Variants in C12orf54 observed in about 807,000 individuals in gnomAD.
C12orf54 encodes the protein uncharacterized protein C12orf54.
In C12orf54, 24 loss-of-function variants were observed where a neutral mutation model predicts 26.4. That is an observed-to-expected ratio of 0.91 (90% CI 0.66 to 1.28). The LOEUF is 1.28. Ranked by LOEUF, C12orf54 falls within the 50% of genes most tolerant of loss-of-function variation. The pLI is 0.00. For missense variants in C12orf54, 154 were observed against 150.9 expected (o/e 1.02, Z -0.11); for synonymous variants, 54 against 47.0 (o/e 1.15, Z -0.61).
the C12orf54 span, among the ~76,000 whole-genome samples, chr12:48,437,601 C>T: frequency 3.7e-4 from 56 of 152,058 alleles, no homozygotes; most frequent in Middle Eastern, 3.2e-3. Flanking sequence ...TTCAACATAA[C>T]GAAAATCAGT....
the C12orf54 span, among the ~76,000 whole-genome samples, chr12:48,437,967 C>T: frequency 6.6e-6 from 1 of 152,182 alleles, no homozygotes; most frequent in East Asian, 1.9e-4. Context: ...CAAATTGTCC[C>T]TGTTTGCAGA....
the C12orf54 span, among the ~76,000 whole-genome samples, chr12:48,460,658 T>C: frequency 6.6e-6 from 1 of 152,200 alleles, no homozygotes; most frequent in Non-Finnish European, 1.5e-5. Flanking sequence ...GCACAAAGGC[T>C]GTTGGGATAA....
chr12:48,472,608 G>T, the C12orf54 span: 1 of 1,601,828 alleles, frequency 6.2e-7, no homozygotes, highest in Non-Finnish European at 8.5e-7. Flanking sequence ...TTGTGGGTTC[G>T]GGGTTTATTG....
At chr12:48,475,320 C>A in the C12orf54 span, among the ~76,000 whole-genome samples, 5 of 152,192 alleles carry the variant, frequency 3.3e-5, no homozygotes, top group Non-Finnish European at 7.4e-5. Context: ...AAACCAGAAA[C>A]TCTAAAAATC....
At chr12:48,475,608 T>G in the C12orf54 span, among the ~76,000 whole-genome samples, 1 of 152,180 alleles carries the variant, frequency 6.6e-6, no homozygotes, top group Non-Finnish European at 1.5e-5. Context: ...TGCAGAAGCC[T>G]CACTAGCTGA....
At chr12:48,472,557 C>T in the C12orf54 span, 276 of 1,319,002 alleles carry the variant, frequency 2.1e-4, 1 homozygote, top group African/African-American at 2.3e-3. Context: ...AATTTACTTT[C>T]GGAGAACCCA....
chr12:48,454,209 T>C, the C12orf54 span, among the ~76,000 whole-genome samples: 1 of 150,112 alleles, frequency 6.7e-6, no homozygotes, highest in African/African-American at 2.4e-5. Flanking sequence ...GTGATTCTCC[T>C]GCCTCAGCCT....
At chr12:48,462,085 T>C in the C12orf54 span, among the ~76,000 whole-genome samples, 1 of 151,438 alleles carries the variant, frequency 6.6e-6, no homozygotes, top group African/African-American at 2.4e-5. Flanking sequence ...TGTATAGATA[T>C]GAAAAAACTA....
chr12:48,428,552 C>A, the C12orf54 span, among the ~76,000 whole-genome samples: 1 of 152,018 alleles, frequency 6.6e-6, no homozygotes, highest in Non-Finnish European at 1.5e-5. Context: ...TTTATCCACA[C>A]AAACTAGAAA....
the C12orf54 span, among the ~76,000 whole-genome samples, chr12:48,419,752 G>T: frequency 6.6e-6 from 1 of 152,132 alleles, no homozygotes; most frequent in Non-Finnish European, 1.5e-5. Flanking sequence ...CATAACTCTT[G>T]TTATCCCCAG....
the C12orf54 span, among the ~76,000 whole-genome samples, chr12:48,457,271 T>TCTG: frequency 7.5e-6 from 1 of 133,032 alleles, no homozygotes; most frequent in African/African-American, 2.5e-5. Flanking sequence ...CAAGCAGTTT[T>TCTG]TTGTTGTTGT....
the C12orf54 span, among the ~76,000 whole-genome samples, chr12:48,475,074 G>A: frequency 6.6e-6 from 1 of 152,166 alleles, no homozygotes; most frequent in Non-Finnish European, 1.5e-5. Context: ...TCAGGCATCA[G>A]CATTTGCGGT....
chr12:48,465,031 C>T, the C12orf54 span, among the ~76,000 whole-genome samples: 1 of 152,048 alleles, frequency 6.6e-6, no homozygotes, highest in Non-Finnish European at 1.5e-5. Context: ...ACAAAAATGC[C>T]AAAAGCAATT....
intron 7 of C12orf54, 60 bp downstream of exon 7, chr12:48,493,055 G>A: frequency 6.9e-7 from 1 of 1,459,056 alleles, no homozygotes; most frequent in Non-Finnish European, 9.6e-7. Flanking sequence ...ATATGGGTGT[G>A]CTGGCCATGA....
At position 48,493,006 on chromosome 12, in the gene C12orf54, C is replaced by G. The variant is rs368614404; in HGVS notation, c.242+11C>G. 3 of 1,612,826 alleles carry G rather than the reference C, an allele frequency of 1.9e-6. No individual in the cohort carries two copies. The highest frequency in any genetic ancestry group is 2.5e-6 in the Non-Finnish European group (3 of 1,178,812). On this transcript the variant is annotated intron_variant, in intron 7 of 8. Coordinates refer to ENST00000548364, the MANE Select transcript of C12orf54 (RefSeq NM_152319.4). ...AGCACCCAGGACTGGGTAAGTGTCC[C>G]TATTCTGACAATGTTCAAGGGAGAT...
upstream of C12orf54, among the ~76,000 whole-genome samples, chr12:48,479,063 G>A (rs1437225594): frequency 6.6e-6 from 1 of 152,136 alleles, no homozygotes; most frequent in East Asian, 1.9e-4. Flanking sequence ...ACATGCACAC[G>A]TATGTTTATT....
chr12:48,456,537 C>G, the C12orf54 span, among the ~76,000 whole-genome samples: 1 of 152,082 alleles, frequency 6.6e-6, no homozygotes, highest in Non-Finnish European at 1.5e-5. Context: ...GACTCTGGAG[C>G]CAAAGAGGGT....
upstream of C12orf54, among the ~76,000 whole-genome samples, chr12:48,480,017 T>TAA (rs529592954): frequency 8.2e-4 from 125 of 152,122 alleles, no homozygotes; most frequent in African/African-American, 2.8e-3. Context: ...TATATATATA[T>TAA]AATGTAACAC....
rs1403077497 is a variant in C12orf54 at position 48,492,927 on chromosome 12, C to T, written c.194-20C>T. 2 of 1,611,522 alleles carry T rather than the reference C, an allele frequency of 1.2e-6. No individual in the cohort carries two copies. Among genetic ancestry groups the T allele is most frequent in the Non-Finnish European group, 1.7e-6 (2 of 1,177,778 alleles). ...TCCAGGCCCCTGTAACAGAATGACT[C>T]TTCTCTGTGTCCACTTTAGGGATGA... On this transcript the variant is annotated intron_variant, in intron 6 of 8. Coordinates refer to ENST00000548364, the MANE Select transcript of C12orf54 (RefSeq NM_152319.4).
Sources: allele counts gnomAD v4.1 joint callset (sites outside exome capture counted in the v4.1 genomes callset), GRCh38; gene constraint gnomAD v4.1.1; transcripts MANE v1.5; gene names NCBI Gene and HGNC (gene_info 2026-07-23, HGNC 2026-07-21).